The following KIF6 variants were observed in gnomAD, a reference collection of about 807,000 sequenced individuals.
KIF6 encodes the protein kinesin family member 6.
In KIF6, 106 loss-of-function variants were observed where a neutral mutation model predicts 112.7. That is an observed-to-expected ratio of 0.94 (90% CI 0.80 to 1.11). The LOEUF (loss-of-function observed/expected upper bound fraction) is 1.11. Among genes scored for constraint, KIF6 ranks in the 50% least tolerant of loss-of-function variants. The probability of loss-of-function intolerance (pLI) is 0.00; values close to 1 mark genes in which losing one functional copy is unlikely to be tolerated. For missense variants in KIF6, 929 were observed against 964.0 expected, an observed-to-expected ratio of 0.96 and a Z score of 0.48; for synonymous variants, 339 against 339.9, an observed-to-expected ratio of 1.00 and a Z score of 0.03.
At chr6:39,576,218 G>A (rs570196012) in intron 10 of KIF6, among the ~76,000 whole-genome samples, 5 of 151,988 alleles carry the variant, frequency 3.3e-5, no homozygotes, top group East Asian at 3.9e-4. Context: ...TCTGCCTCCC[G>A]GGTTCAAGCG....
At chr6:39,553,819 AG>A (rs1389922219) in intron 10 of KIF6, 1 of 152,584 alleles carries the variant, frequency 6.6e-6, no homozygotes, top group Non-Finnish European at 1.5e-5. Flanking sequence ...GAGGAGAAGC[AG>A]AGGCTGGGCC....
intron 16 of KIF6, among the ~76,000 whole-genome samples, chr6:39,383,872 C>T (rs1767182436): frequency 6.6e-6 from 1 of 152,190 alleles, no homozygotes; most frequent in Non-Finnish European, 1.5e-5. Context: ...CTTTCACCTT[C>T]ATCATTAGAT....
rs978795604 is a variant in KIF6 at position 39,575,888 on chromosome 6, C to A, written c.1181+2168G>T. 2.0e-5 allele frequency among the ~76,000 whole-genome samples: 3 copies of A among 152,188 alleles called. No homozygotes were observed. In the East Asian group the frequency reaches 5.8e-4, roughly 29 times the overall value. ...CTTGTCCATCTCAAGTCCCACCTCT[C>A]GGTCCCTCAGGAATTCCTTGAAGTC... On this transcript the variant is annotated intron_variant, in intron 10 of 22. Coordinates refer to ENST00000287152, the MANE Select transcript of KIF6 (RefSeq NM_145027.6).
intron 16 of KIF6, among the ~76,000 whole-genome samples, chr6:39,363,535 G>T (rs1245254275): frequency 1.3e-5 from 2 of 152,162 alleles, no homozygotes; most frequent in Non-Finnish European, 2.9e-5. Context: ...TCTGAAGCTG[G>T]CTGTCTCCTA....
chr6:39,546,972 T>G (rs557507540), intron 10 of KIF6, among the ~76,000 whole-genome samples: 1 of 152,206 alleles, frequency 6.6e-6, no homozygotes, highest in Non-Finnish European at 1.5e-5. Flanking sequence ...AACACAAATA[T>G]GTTCACTAGT....
At chr6:39,441,466 A>G (rs1326460092) in intron 13 of KIF6, among the ~76,000 whole-genome samples, 1 of 152,170 alleles carries the variant, frequency 6.6e-6, no homozygotes, top group Non-Finnish European at 1.5e-5. Context: ...GCATGTGTGT[A>G]TCACTGAGGA....
At chr6:39,431,677 C>T (rs1255193804) in intron 13 of KIF6, among the ~76,000 whole-genome samples, 2 of 152,174 alleles carry the variant, frequency 1.3e-5, no homozygotes, top group African/African-American at 4.8e-5. Context: ...GGCTCTTCTT[C>T]AGGAGTTAGG....
intron 19 of KIF6, among the ~76,000 whole-genome samples, chr6:39,353,310 T>C (rs1445563754): frequency 6.6e-6 from 1 of 152,232 alleles, no homozygotes; most frequent in East Asian, 1.9e-4. Context: ...AATTTGTATT[T>C]CCCTGTGTGA....
chr6:39,467,492 G>GA lies in KIF6; in HGVS notation c.1646-36332dup, dbSNP rs956401395. Among the ~76,000 whole-genome samples the GA allele has an allele frequency of 1.8e-3, 269 of 148,128 alleles. 2 individuals are homozygous for GA. The highest frequency in any genetic ancestry group is 0.018 in the Middle Eastern group (5 of 282). On this transcript the variant is annotated intron_variant, in intron 13 of 22. Coordinates refer to ENST00000287152, the MANE Select transcript of KIF6 (RefSeq NM_145027.6). Reference sequence around the variant, plus strand: ...CAGTCAGCTTAGCAGAGATATCAGGGAAAAAAAAAACACAGAGAGAGGCAG... The same window carrying GA: ...CAGTCAGCTTAGCAGAGATATCAGGGAAAAAAAAAAACACAGAGAGAGGCAG...
rs1347821046 is a variant in KIF6, at chr6:39,378,499, C to T, written c.1861+7123G>A. Among the ~76,000 whole-genome samples, 2 of 152,092 alleles carry T rather than the reference C, an allele frequency of 1.3e-5. No homozygotes were observed. The highest frequency in any genetic ancestry group is 2.9e-5 in the Non-Finnish European group (2 of 68,002). ...ACACAGCACACACGTACATACACAA[C>T]AGACACACGCATACACACACCCCAA... On this transcript the variant is annotated intron_variant, in intron 16 of 22. Transcript: ENST00000287152. The surrounding 1 kb of genome is among the most constrained non-coding windows in gnomAD (Gnocchi z 5.0).
At chr6:39,706,103 C>A (rs1014092156) in intron 3 of KIF6, among the ~76,000 whole-genome samples, 1 of 152,162 alleles carries the variant, frequency 6.6e-6, no homozygotes, top group Non-Finnish European at 1.5e-5. Flanking sequence ...TAATTTTCAC[C>A]CCTTGCATAT....
rs1202841881 is a variant in KIF6, at chr6:39,337,236, T to C, written c.2429-688A>G. On this transcript the variant is annotated intron_variant, in intron 22 of 22. Coordinates refer to ENST00000287152, the MANE Select transcript of KIF6 (RefSeq NM_145027.6). ...CTTTCTTTCTTTCTTTCTTTCTTTC[T>C]TTTTCTTTCTTTTCTTTCCCTCCCT... 4.7e-4 allele frequency among the ~76,000 whole-genome samples: 43 copies of C among 92,112 alleles called. 1 individual carries two copies. The highest frequency in any genetic ancestry group is 2.4e-3 in the African/African-American group (39 of 16,296). 60.4% of individuals were successfully genotyped at this position (92,112 alleles called of 152,430 possible).
intron 17 of KIF6, among the ~76,000 whole-genome samples, chr6:39,362,018 A>G (rs1765192138): frequency 6.6e-6 from 1 of 152,140 alleles, no homozygotes; most frequent in African/African-American, 2.4e-5. Flanking sequence ...GAATGGCTAC[A>G]TGCCTGTTTA....
chr6:39,687,721 C>G (rs1787957045), intron 3 of KIF6, among the ~76,000 whole-genome samples: 4 of 152,204 alleles, frequency 2.6e-5, no homozygotes, highest in Admixed American at 2.6e-4. Context: ...GTTAAAATCA[C>G]TAGGCTGCAG....
In KIF6 at chr6:39,725,286, A is replaced by G. The variant is rs1409850031; in HGVS notation, c.25T>C (p.Phe9Leu). 1 of 1,610,890 alleles carries G rather than the reference A, an allele frequency of 6.2e-7. No homozygotes were observed. The highest frequency in any genetic ancestry group is 1.3e-5 in the African/African-American group (1 of 74,370). Residue 9 changes from phenylalanine (F) to leucine (L), a missense_variant, in exon 1 of 23, where the codon TTC becomes CTC. Phe to Leu is a conservative substitution (Grantham distance 22). Coordinates refer to ENST00000287152, the MANE Select transcript of KIF6 (RefSeq NM_145027.6). ...CGGACAGGGGGCTTCACCCTCGCGA[A>G]TATCTGGATAGTCTGCTTCACCATC... is the stretch of plus-strand genomic sequence containing the variant. The part of the protein sequence containing the change: MVKQTIQI[F>L]ARVKPPVRKH...
chr6:39,530,785 G>A (rs898532890), intron 13 of KIF6, among the ~76,000 whole-genome samples: 10 of 152,164 alleles, frequency 6.6e-5, no homozygotes, highest in African/African-American at 2.4e-4. Flanking sequence ...CAGCCCTAGG[G>A]ACAGTTAATA....
intron 15 of KIF6, among the ~76,000 whole-genome samples, chr6:39,416,760 G>T (rs1031138273): frequency 2.6e-5 from 4 of 152,196 alleles, no homozygotes; most frequent in African/African-American, 9.7e-5. Context: ...GGCAGCTGTG[G>T]ATCACAATGT....
At chr6:39,460,890 G>T (rs1252224741) in intron 13 of KIF6, among the ~76,000 whole-genome samples, 1 of 152,078 alleles carries the variant, frequency 6.6e-6, no homozygotes, top group Non-Finnish European at 1.5e-5. Flanking sequence ...CTGCTTCCTT[G>T]GCTTAGAATA....
chr6:39,336,652 G>A, intron 22 of KIF6, 104 bp from the exon 23 acceptor site: 3 of 1,006,074 alleles, frequency 3.0e-6, no homozygotes, highest in South Asian at 1.3e-5. Context: ...CTCCCCCTGG[G>A]TCTTGGGCAC....
Sources: allele counts gnomAD v4.1 joint callset (sites outside exome capture counted in the v4.1 genomes callset), GRCh38; gene constraint gnomAD v4.1.1; non-coding constraint Gnocchi (gnomAD v3.1); transcripts MANE v1.5; gene names NCBI Gene and HGNC (gene_info 2026-07-23, HGNC 2026-07-21).